The following TXLNB variants were observed in gnomAD, a reference collection of about 807,000 sequenced individuals.
The protein encoded by TXLNB is taxilin beta.
Under a neutral mutation model 57.4 loss-of-function variants are expected in TXLNB, and 37 were observed. That is an observed-to-expected ratio of 0.64 (90% CI 0.50 to 0.85). The LOEUF (loss-of-function observed/expected upper bound fraction) is 0.85, where lower values mean the gene tolerates loss of function less well. Ranked by LOEUF, TXLNB falls within the 40% of genes least tolerant of loss-of-function variation. The pLI is 0.00. For synonymous variants in TXLNB, 302 were observed against 309.6 expected, an observed-to-expected ratio of 0.98 and a Z score of 0.26; for missense variants, 848 against 825.6, an observed-to-expected ratio of 1.03 and a Z score of -0.33.
rs1490425858 is a variant in TXLNB at position 139,242,952 on chromosome 6, T to G, written c.1629A>C (p.Gln543His). The part of the protein sequence containing the change: ...SADAALKEPE[Q>H]PPLIPSRDSE... ...AATCCCGTGAAGGGATCAGAGGGGG[T>G]TGCTCTGGCTCCTTGAGAGCGGCGT... is the stretch of plus-strand genomic sequence containing the variant. Residue 543 changes from glutamine to histidine, a missense_variant, in exon 10 of 10, where the codon CAA (glutamine) becomes CAC (histidine). By Grantham distance (24) the Gln-to-His change is conservative. Coordinates refer to ENST00000358430, the MANE Select transcript of TXLNB (RefSeq NM_153235.4). 9 of 1,613,820 alleles carry G rather than the reference T, an allele frequency of 5.6e-6. No individual in the cohort carries two copies. Among genetic ancestry groups the G allele is most frequent in the Non-Finnish European group, 7.6e-6 (9 of 1,179,974 alleles).
chr6:139,236,047 C>T (rs187550116), downstream of TXLNB, among the ~76,000 whole-genome samples: 22 of 152,282 alleles, frequency 1.4e-4, no homozygotes, highest in African/African-American at 5.1e-4. Flanking sequence ...CTTCCCACTC[C>T]TTCCCCCTTC....
the TXLNB span, among the ~76,000 whole-genome samples, chr6:139,301,308 G>A: frequency 6.6e-6 from 1 of 152,078 alleles, no homozygotes; most frequent in African/African-American, 2.4e-5. Context: ...ATTTTCTTGG[G>A]TATCTGTATA....
chr6:139,177,154 T>G, the TXLNB span: 1 of 735,836 alleles, frequency 1.4e-6, no homozygotes, highest in Non-Finnish European at 2.4e-6. The surrounding 1 kb of genome is among the most constrained non-coding windows in gnomAD (Gnocchi z 4.9). Flanking sequence ...TATTACTTTA[T>G]TACATATCTT....
chr6:139,211,426 G>A, the TXLNB span, among the ~76,000 whole-genome samples: 2 of 152,156 alleles, frequency 1.3e-5, no homozygotes, highest in African/African-American at 4.8e-5. Context: ...GATCCTGACT[G>A]TTAGAAGGAA....
chr6:139,256,415 C>T (rs866968970), intron 6 of TXLNB, among the ~76,000 whole-genome samples: 2 of 152,178 alleles, frequency 1.3e-5, no homozygotes, highest in Non-Finnish European at 2.9e-5. Context: ...CTGCAACCTC[C>T]GCCTCCTGGG....
the TXLNB span, among the ~76,000 whole-genome samples, chr6:139,300,136 G>A: frequency 6.6e-6 from 1 of 152,064 alleles, no homozygotes; most frequent in African/African-American, 2.4e-5. Context: ...TCTCAGGAAG[G>A]GTCTAAGGTT....
At chr6:139,196,968 G>T in the TXLNB span, among the ~76,000 whole-genome samples, 1 of 152,082 alleles carries the variant, frequency 6.6e-6, no homozygotes, top group Non-Finnish European at 1.5e-5. Flanking sequence ...TAGCAATCTT[G>T]ATTCTGTCTG....
the TXLNB span, chr6:139,167,053 G>C: frequency 6.2e-7 from 1 of 1,614,196 alleles, no homozygotes; most frequent in Non-Finnish European, 8.5e-7. Context: ...TTCGGCGGCT[G>C]GACCTCTCCG....
chr6:139,188,402 G>C, the TXLNB span, among the ~76,000 whole-genome samples: 1 of 152,156 alleles, frequency 6.6e-6, no homozygotes. Context: ...TTCAAACTGA[G>C]ACCTGTGCTC....
At position 139,242,721 on chromosome 6, in the gene TXLNB, C is replaced by T; in HGVS notation, c.1860G>A (p.Glu620=). 6.2e-7 allele frequency: 1 copy of T among 1,612,956 alleles called. No individual in the cohort carries two copies. Among genetic ancestry groups the T allele is most frequent in the South Asian group, 1.1e-5 (1 of 91,038 alleles). ...CTGCCTCCATCTTCTGTAGGGAGGC[C>T]TCGGTGGGAGCCTGTGGGGCCTGAC... ...ASGQAPQAPT[E]ASLQKMEADV... The change falls in exon 10 of 10, where the codon GAG becomes GAA. Residue 620 remains glutamate, a synonymous_variant. Coordinates refer to ENST00000358430, the MANE Select transcript of TXLNB (RefSeq NM_153235.4).
chr6:139,163,725 T>C, the TXLNB span, among the ~76,000 whole-genome samples: 6 of 152,196 alleles, frequency 3.9e-5, no homozygotes, highest in Non-Finnish European at 8.8e-5. Flanking sequence ...TACCAATCTC[T>C]GCAGGGGAAT....
chr6:139,174,429 G>A, the TXLNB span: 1 of 1,614,044 alleles, frequency 6.2e-7, no homozygotes, highest in Non-Finnish European at 8.5e-7. Context: ...CTGCCTGGAA[G>A]GGGTTCACAA....
chr6:139,166,940 G>C, the TXLNB span: 1 of 1,614,122 alleles, frequency 6.2e-7, no homozygotes, highest in South Asian at 1.1e-5. Context: ...TCACAAGAAG[G>C]CCATGGCTGG....
the TXLNB span, chr6:139,183,086 G>C: frequency 6.6e-6 from 1 of 152,208 alleles, no homozygotes; most frequent in African/African-American, 2.4e-5. Flanking sequence ...TTTGGAGCAA[G>C]GGCTATGCTT....
intron 8 of TXLNB, among the ~76,000 whole-genome samples, chr6:139,245,225 C>G (rs1254416551): frequency 6.6e-6 from 1 of 152,130 alleles, no homozygotes; most frequent in Non-Finnish European, 1.5e-5. Context: ...AACAGTCCCA[C>G]AAGGAAGGTT....
chr6:139,182,230 G>T, the TXLNB span, among the ~76,000 whole-genome samples: 12 of 152,184 alleles, frequency 7.9e-5, no homozygotes, highest in Admixed American at 7.9e-4. Context: ...TGGATTCAAA[G>T]CCTGTGTTGC....
At chr6:139,163,654 C>T in the TXLNB span, among the ~76,000 whole-genome samples, 1 of 152,148 alleles carries the variant, frequency 6.6e-6, no homozygotes, top group Non-Finnish European at 1.5e-5. Flanking sequence ...GCGCTGTCCC[C>T]TGACTGCCTG....
At chr6:139,295,221 A>G (rs1777368803), upstream of TXLNB, among the ~76,000 whole-genome samples, 1 of 152,236 alleles carries the variant, frequency 6.6e-6, no homozygotes, top group Non-Finnish European at 1.5e-5. Flanking sequence ...ATAATTGAAA[A>G]TAATACAAAC....
At chr6:139,244,470 C>G in intron 9 of TXLNB, 125 bp downstream of exon 9, 1 of 680,678 alleles carries the variant, frequency 1.5e-6, no homozygotes, top group Non-Finnish European at 2.6e-6. Flanking sequence ...TCACATCCTG[C>G]CACCCCAAAT....
Sources: allele counts gnomAD v4.1 joint callset (sites outside exome capture counted in the v4.1 genomes callset), GRCh38; gene constraint gnomAD v4.1.1; non-coding constraint Gnocchi (gnomAD v3.1); transcripts MANE v1.5; gene names NCBI Gene and HGNC (gene_info 2026-07-23, HGNC 2026-07-21).